The following NRG3 variants were observed in gnomAD, a reference collection of about 807,000 sequenced individuals.
NRG3 encodes the protein neuregulin 3.
A neutral mutation model predicts 66.9 loss-of-function variants in NRG3; 31 were observed. The ratio of observed to expected loss-of-function variants is 0.46; its 90% CI spans 0.35 to 0.63. NRG3 has a LOEUF of 0.63. Ranked by LOEUF, NRG3 falls within the 20% of genes least tolerant of loss-of-function variation. NRG3 has a pLI of 0.00. For missense variants in NRG3, 910 were observed against 878.9 expected (o/e 1.04, Z -0.45); for synonymous variants, 393 against 359.4 (o/e 1.09, Z -1.06).
chr10:82,270,012 A>T (rs972288730), intron 1 of NRG3, among the ~76,000 whole-genome samples: 1 of 152,128 alleles, frequency 6.6e-6, no homozygotes, highest in Non-Finnish European at 1.5e-5. Context: ...TATCTACCTC[A>T]TAGATTTTCT....
At chr10:81,890,307 T>G (rs998349231) in intron 1 of NRG3, among the ~76,000 whole-genome samples, 1 of 152,182 alleles carries the variant, frequency 6.6e-6, no homozygotes, top group Non-Finnish European at 1.5e-5. Flanking sequence ...AGGGAGAAAC[T>G]TGCCGAATCC....
chr10:82,264,217 A>G (rs1387579664), intron 1 of NRG3, among the ~76,000 whole-genome samples: 1 of 152,206 alleles, frequency 6.6e-6, no homozygotes, highest in East Asian at 1.9e-4. Flanking sequence ...TATAAAGTAA[A>G]GAGGTTTAAT....
intron 1 of NRG3, among the ~76,000 whole-genome samples, chr10:82,132,303 T>C (rs1407703436): frequency 2.0e-5 from 3 of 151,062 alleles, no homozygotes; most frequent in Non-Finnish European, 4.4e-5. Flanking sequence ...CATATGGTTT[T>C]TGTTCCTCAT....
chr10:82,955,315 C>T (rs1849938496), intron 5 of NRG3: 1 of 151,846 alleles, frequency 6.6e-6, no homozygotes, highest in Non-Finnish European at 1.5e-5. Context: ...CCCATAGCAA[C>T]TCTAAAAAAC....
intron 3 of NRG3, among the ~76,000 whole-genome samples, chr10:82,854,576 A>C (rs575123169): frequency 6.6e-6 from 1 of 152,352 alleles, no homozygotes; most frequent in East Asian, 1.9e-4. Flanking sequence ...GTGTAAAACA[A>C]AATATAGTAA....
intron 1 of NRG3, among the ~76,000 whole-genome samples, chr10:82,277,408 A>G (rs974008958): frequency 6.6e-6 from 1 of 152,144 alleles, no homozygotes; most frequent in African/African-American, 2.4e-5. Context: ...AAGGTTGTTT[A>G]AAACCATGCT....
intron 4 of NRG3, among the ~76,000 whole-genome samples, chr10:82,912,643 T>A: frequency 6.6e-6 from 1 of 152,220 alleles, no homozygotes; most frequent in East Asian, 1.9e-4. Context: ...TATTTATATT[T>A]ATAGTGATTT....
chr10:82,542,653 G>A (rs754170045), intron 2 of NRG3, among the ~76,000 whole-genome samples: 16 of 152,170 alleles, frequency 1.1e-4, no homozygotes, highest in Non-Finnish European at 2.1e-4. Flanking sequence ...CTAAATCTTG[G>A]AACAGCTGAT....
chr10:82,231,869 T>C (rs932698124), intron 1 of NRG3, among the ~76,000 whole-genome samples: 2 of 152,208 alleles, frequency 1.3e-5, no homozygotes, highest in African/African-American at 4.8e-5. Flanking sequence ...TTAAACAGTT[T>C]TCTCTTAAAT....
At chr10:82,683,462 T>C (rs1424430232) in intron 2 of NRG3, among the ~76,000 whole-genome samples, 1 of 152,160 alleles carries the variant, frequency 6.6e-6, no homozygotes, top group Non-Finnish European at 1.5e-5. Flanking sequence ...CTAACAAACA[T>C]ATAATATTCA....
At chr10:82,742,353 G>C (rs957020345) in intron 3 of NRG3, among the ~76,000 whole-genome samples, 2 of 152,004 alleles carry the variant, frequency 1.3e-5, no homozygotes, top group African/African-American at 4.8e-5. Flanking sequence ...GTTCAGAGCT[G>C]GGTCCTCAGA....
chr10:82,271,141 A>G (rs1010841782), intron 1 of NRG3, among the ~76,000 whole-genome samples: 2 of 152,058 alleles, frequency 1.3e-5, no homozygotes, highest in African/African-American at 2.4e-5. Flanking sequence ...GTTTTGAGGT[A>G]TAGGGAACCA....
chr10:82,618,770 A>G (rs1238287666), intron 2 of NRG3, among the ~76,000 whole-genome samples: 1 of 152,108 alleles, frequency 6.6e-6, no homozygotes, highest in Non-Finnish European at 1.5e-5. Context: ...TCTGAAAATT[A>G]TGGTGTCATA....
At chr10:82,320,300 C>T (rs1327954078) in intron 1 of NRG3, among the ~76,000 whole-genome samples, 3 of 152,012 alleles carry the variant, frequency 2.0e-5, no homozygotes, top group Non-Finnish European at 4.4e-5. Flanking sequence ...TAGTAAATAC[C>T]TAAGTCATTT....
intron 2 of NRG3, among the ~76,000 whole-genome samples, chr10:82,438,100 G>A (rs2090240290): frequency 1.3e-5 from 2 of 152,128 alleles, no homozygotes; most frequent in African/African-American, 4.8e-5. Context: ...CTTCACTGGG[G>A]GGAAACCCAC....
intron 1 of NRG3, among the ~76,000 whole-genome samples, chr10:82,178,624 G>A (rs2073204581): frequency 6.6e-6 from 1 of 152,074 alleles, no homozygotes; most frequent in Admixed American, 6.6e-5. Context: ...CCTATCAAAG[G>A]TCATTTAGGT....
intron 1 of NRG3, among the ~76,000 whole-genome samples, chr10:81,918,043 C>A (rs1457305817): frequency 6.6e-6 from 1 of 152,168 alleles, no homozygotes; most frequent in Non-Finnish European, 1.5e-5. Context: ...ATATGCCATG[C>A]TCAGAAAATA....
chr10:82,107,386 G>A lies in NRG3; in HGVS notation c.823+231223G>A, dbSNP rs532380308. On this transcript the variant is annotated intron_variant, in intron 1 of 8. Coordinates refer to ENST00000372141, the MANE Select transcript of NRG3 (RefSeq NM_001010848.4). ...GATTTAGTTGTGACCATAAATGGAAGATGTTGCTGATAAGGACCATGAAAT... is the reference window on the plus strand; with the variant it reads ...GATTTAGTTGTGACCATAAATGGAAAATGTTGCTGATAAGGACCATGAAAT... Among the ~76,000 whole-genome samples, 49 of 152,284 alleles carry A rather than the reference G, an allele frequency of 3.2e-4. No homozygotes were observed. In the East Asian group the frequency reaches 7.9e-3, roughly 25 times the overall value.
chr10:82,962,855 A>C (rs1225596158), intron 6 of NRG3, among the ~76,000 whole-genome samples: 4 of 152,124 alleles, frequency 2.6e-5, no homozygotes, highest in Admixed American at 6.5e-5. Flanking sequence ...AACAAACAAA[A>C]AAAACAAAAC....
Sources: allele counts gnomAD v4.1 joint callset (sites outside exome capture counted in the v4.1 genomes callset), GRCh38; gene constraint gnomAD v4.1.1; transcripts MANE v1.5; gene names NCBI Gene and HGNC (gene_info 2026-07-23, HGNC 2026-07-21).